Variants in RARB observed in about 807,000 individuals in gnomAD.
RARB encodes HBV-activated protein.
A neutral mutation model predicts 51.9 loss-of-function variants in RARB; 17 were observed. That is an observed-to-expected ratio of 0.33 (90% confidence interval 0.22 to 0.49). The LOEUF (loss-of-function observed/expected upper bound fraction) is 0.49, where lower values mean the gene tolerates loss of function less well. RARB is among the 20% of genes least tolerant of loss of function. The probability of loss-of-function intolerance (pLI) is 0.99; values close to 1 mark genes in which losing one functional copy is unlikely to be tolerated. For missense variants in RARB, 369 were observed against 550.8 expected (o/e 0.67, Z 3.30); for synonymous variants, 215 against 195.4 (o/e 1.10, Z -0.84).
intron 5 of RARB, among the ~76,000 whole-genome samples, chr3:25,369,028 C>G (rs1706221193): frequency 6.6e-6 from 1 of 152,016 alleles, no homozygotes; most frequent in East Asian, 1.9e-4. Context: ...TGTGAAATCC[C>G]CAATTATATA....
chr3:25,002,553 A>G (rs1697184614), intron 2 of RARB, among the ~76,000 whole-genome samples: 2 of 152,288 alleles, frequency 1.3e-5, no homozygotes, highest in East Asian at 1.9e-4. Context: ...TTGTTTTTAG[A>G]CTATAAAGTT....
At chr3:24,885,502 A>C (rs1307340758) in intron 2 of RARB, among the ~76,000 whole-genome samples, 2 of 152,190 alleles carry the variant, frequency 1.3e-5, no homozygotes, top group Admixed American at 1.3e-4. Flanking sequence ...TATTAAATCA[A>C]GTTGTTTTAA....
At position 25,319,170 on chromosome 3, in the gene RARB, C is replaced by T. The variant is rs146893498; in HGVS notation, c.179-142023C>T. Among the ~76,000 whole-genome samples the T allele has an allele frequency of 9.2e-3, 1,405 of 152,106 alleles. 11 individuals are homozygous for T. The highest frequency in any genetic ancestry group is 0.027 in the Middle Eastern group (8 of 294). On this transcript the variant is annotated intron_variant, in intron 5 of 11. Transcript: ENST00000383772. ...AGATTAATGGTGAAGTTTTATCCTC[C>T]GAATAGTTGGGGGACATGAGGAATA...
intron 5 of RARB, among the ~76,000 whole-genome samples, chr3:25,250,436 G>T (rs1702684003): frequency 1.3e-5 from 2 of 152,170 alleles, no homozygotes; most frequent in African/African-American, 4.8e-5. Flanking sequence ...GTTGTTTTCA[G>T]TGGCAGCAAC....
intron 2 of RARB, among the ~76,000 whole-genome samples, chr3:25,032,526 C>G (rs896779148): frequency 6.6e-6 from 1 of 152,196 alleles, no homozygotes; most frequent in Admixed American, 6.5e-5. Flanking sequence ...ATGAGAACCT[C>G]AGGCACTACT....
intron 2 of RARB, among the ~76,000 whole-genome samples, chr3:24,948,871 G>A (rs1057504428): frequency 2.6e-5 from 4 of 152,114 alleles, no homozygotes; most frequent in African/African-American, 9.7e-5. Flanking sequence ...AAGCATCCTG[G>A]GGCCCTCACC....
intron 2 of RARB, among the ~76,000 whole-genome samples, chr3:24,964,183 T>TAA (rs1225834663): frequency 6.6e-6 from 1 of 152,036 alleles, no homozygotes; most frequent in Non-Finnish European, 1.5e-5. Context: ...TTTTTGTGTA[T>TAA]AAAAAGTAAG....
At chr3:25,576,030 T>C (rs1035597425) in intron 4 of RARB, among the ~76,000 whole-genome samples, 1 of 151,968 alleles carries the variant, frequency 6.6e-6, no homozygotes, top group Admixed American at 6.6e-5. Flanking sequence ...CTGTAGGCAC[T>C]GTGCTAAGTA....
At chr3:24,903,482 G>C (rs954032085) in intron 2 of RARB, among the ~76,000 whole-genome samples, 2 of 151,996 alleles carry the variant, frequency 1.3e-5, no homozygotes, top group Admixed American at 1.3e-4. Flanking sequence ...ATTTGTACTT[G>C]TCAATATAAT....
chr3:25,246,405 G>T (rs1036203079), intron 5 of RARB, among the ~76,000 whole-genome samples: 3 of 152,166 alleles, frequency 2.0e-5, no homozygotes, highest in Admixed American at 1.3e-4. Flanking sequence ...GAGGTATTCT[G>T]GTTTTTGGAA....
intron 3 of RARB, among the ~76,000 whole-genome samples, chr3:25,086,997 T>C (rs1699117341): frequency 6.6e-6 from 1 of 152,174 alleles, no homozygotes; most frequent in African/African-American, 2.4e-5. Context: ...CTACAGAATG[T>C]TGATTTTTCC....
chr3:25,285,277 A>C (rs1358644376), intron 5 of RARB, among the ~76,000 whole-genome samples: 1 of 152,212 alleles, frequency 6.6e-6, no homozygotes, highest in African/African-American at 2.4e-5. Context: ...CTGAAGAACA[A>C]ATTAAGTGAA....
chr3:24,969,364 G>A (rs1308680022), intron 2 of RARB, among the ~76,000 whole-genome samples: 1 of 152,052 alleles, frequency 6.6e-6, no homozygotes, highest in Non-Finnish European at 1.5e-5. Flanking sequence ...TAGCCAAAGT[G>A]CCTCATGCCA....
intron 5 of RARB, among the ~76,000 whole-genome samples, chr3:25,337,956 G>T: frequency 6.6e-6 from 1 of 151,964 alleles, no homozygotes; most frequent in East Asian, 1.9e-4. Context: ...AATCAAAAGC[G>T]TAGGTCAATT....
At chr3:25,069,006 T>A (rs989466910) in intron 3 of RARB, among the ~76,000 whole-genome samples, 1 of 149,628 alleles carries the variant, frequency 6.7e-6, no homozygotes, top group African/African-American at 2.5e-5. Flanking sequence ...AGACTAAATC[T>A]TCCTCTGAAA....
chr3:25,008,720 G>T (rs886154013), intron 2 of RARB, among the ~76,000 whole-genome samples: 1 of 152,044 alleles, frequency 6.6e-6, no homozygotes, highest in Non-Finnish European at 1.5e-5. Flanking sequence ...TTCCCAGTCA[G>T]TCCATTCCCA....
At chr3:25,315,605 G>T (rs146479778) in intron 5 of RARB, among the ~76,000 whole-genome samples, 2 of 152,176 alleles carry the variant, frequency 1.3e-5, no homozygotes, top group East Asian at 3.9e-4. Flanking sequence ...GATGCATAGT[G>T]CTTCCTGCCT....
chr3:25,317,096 C>T (rs1455814501), intron 5 of RARB, among the ~76,000 whole-genome samples: 1 of 45,974 alleles, frequency 2.2e-5, no homozygotes, highest in African/African-American at 6.3e-5. Context: ...TAAAAGAATA[C>T]AACATTTTTG....
intron 4 of RARB, among the ~76,000 whole-genome samples, chr3:25,145,501 A>AG (rs1491522045): frequency 4.9e-5 from 1 of 20,348 alleles, no homozygotes; most frequent in Non-Finnish European, 1.2e-4. Flanking sequence ...TGTAAATTTC[A>AG]AAAAAAAGAA....
Sources: allele counts gnomAD v4.1 joint callset (sites outside exome capture counted in the v4.1 genomes callset), GRCh38; gene constraint gnomAD v4.1.1; transcripts MANE v1.5; gene names NCBI Gene and HGNC (gene_info 2026-07-23, HGNC 2026-07-21).